Variants in ZMIZ1 observed in about 807,000 individuals in gnomAD.
ZMIZ1 encodes zinc finger MIZ-type containing 1, also known as zinc finger MIZ domain-containing protein 1.
A neutral mutation model predicts 113.9 loss-of-function variants in ZMIZ1; 17 were observed. The observed-to-expected ratio is 0.15, with a 90% CI of 0.10 to 0.22. The LOEUF (loss-of-function observed/expected upper bound fraction) is 0.22, where lower values mean the gene tolerates loss of function less well. Among genes scored for constraint, ZMIZ1 ranks in the 10% least tolerant of loss-of-function variants. The pLI is 1.00. For synonymous variants in ZMIZ1, 607 were observed against 603.1 expected (o/e 1.01, Z -0.09); for missense variants, 1,059 against 1,477.8 (o/e 0.72, Z 4.65).
intron 7 of ZMIZ1, among the ~76,000 whole-genome samples, chr10:79,236,543 A>C (rs915501542): frequency 1.3e-5 from 2 of 152,116 alleles, no homozygotes; most frequent in African/African-American, 4.8e-5. Context: ...TCCAGAAATC[A>C]ATGGGAAGAG....
intron 7 of ZMIZ1, among the ~76,000 whole-genome samples, chr10:79,239,165 C>G (rs1281274641): frequency 6.6e-6 from 1 of 152,186 alleles, no homozygotes; most frequent in Non-Finnish European, 1.5e-5. Context: ...CAGAGGTTGG[C>G]AGAAGCCCCA....
intron 23 of ZMIZ1, among the ~76,000 whole-genome samples, chr10:79,308,863 T>C (rs546669316): frequency 1.3e-5 from 2 of 152,224 alleles, no homozygotes; most frequent in Admixed American, 1.3e-4. Flanking sequence ...ATGCCGTCTA[T>C]TTCCCCTTGA....
intron 2 of ZMIZ1, among the ~76,000 whole-genome samples, chr10:79,127,651 G>A (rs755373370): frequency 6.6e-6 from 1 of 152,150 alleles, no homozygotes; most frequent in Non-Finnish European, 1.5e-5. Flanking sequence ...AGGGTCACAC[G>A]GCCCAGCCAG....
At chr10:79,210,332 C>G (rs1210265953) in intron 6 of ZMIZ1, among the ~76,000 whole-genome samples, 2 of 152,230 alleles carry the variant, frequency 1.3e-5, no homozygotes, top group Admixed American at 6.5e-5. Context: ...CCTCGGTCCT[C>G]TTGTCCATGC....
chr10:79,115,970 T>C (rs1844004658), intron 1 of ZMIZ1, among the ~76,000 whole-genome samples: 1 of 152,252 alleles, frequency 6.6e-6, no homozygotes, highest in South Asian at 2.1e-4. Context: ...TGCCAGAGGG[T>C]GTAGCATTAT....
chr10:79,090,153 A>T (rs1215520917), intron 1 of ZMIZ1, among the ~76,000 whole-genome samples: 1 of 152,166 alleles, frequency 6.6e-6, no homozygotes, highest in Non-Finnish European at 1.5e-5. Flanking sequence ...GCTTGCTGTC[A>T]TTGAGTTTAG....
chr10:79,178,150 C>T (rs925241786), intron 4 of ZMIZ1, among the ~76,000 whole-genome samples: 22 of 152,170 alleles, frequency 1.4e-4, no homozygotes. Context: ...GGCAGCTTGG[C>T]CGGGACCCTC....
intron 1 of ZMIZ1, among the ~76,000 whole-genome samples, chr10:79,070,435 G>C (rs1172099113): frequency 6.6e-6 from 1 of 152,032 alleles, no homozygotes; most frequent in Admixed American, 6.5e-5. Flanking sequence ...CGCCGGAGAA[G>C]GCCGGGAGCC....
At chr10:79,183,356 G>A (rs992015086) in intron 4 of ZMIZ1, among the ~76,000 whole-genome samples, 56 of 81,072 alleles carry the variant, frequency 6.9e-4, no homozygotes, top group African/African-American at 3.9e-4. Flanking sequence ...GCTCGTGCAC[G>A]CGCACACACA....
chr10:79,089,687 G>A (rs975348189), intron 1 of ZMIZ1, among the ~76,000 whole-genome samples: 7 of 152,102 alleles, frequency 4.6e-5, no homozygotes, highest in African/African-American at 4.8e-5. Context: ...CACCACCTCC[G>A]TGAGCATGAG....
At chr10:79,083,941 G>A (rs1842733949) in intron 1 of ZMIZ1, among the ~76,000 whole-genome samples, 1 of 152,158 alleles carries the variant, frequency 6.6e-6, no homozygotes, top group Non-Finnish European at 1.5e-5. Flanking sequence ...TAGAGGCATA[G>A]TGGGTCTTCC....
Position 79,069,466 on chromosome 10 carries a change from G to T in ZMIZ1, c.-337+196G>T, listed in dbSNP as rs1842173501. On this transcript the variant is annotated intron_variant, in intron 1 of 24. Coordinates refer to ENST00000334512, the MANE Select transcript of ZMIZ1 (RefSeq NM_020338.4). This position sits in a 1 kb window ranked among gnomAD's most constrained non-coding sequence, Gnocchi z 4.6. ...GGCCGGGGGCCGAGGCCCGGCGGCC[G>T]GCGAGCTCCCGGCTGCGCGGAGCCG... Among the ~76,000 whole-genome samples the T allele has an allele frequency of 6.6e-6, 1 of 151,368 alleles. No individual in the cohort carries two copies. Among genetic ancestry groups the T allele is most frequent in the Non-Finnish European group, 1.5e-5 (1 of 67,830 alleles).
chr10:79,117,535 G>A (rs915256336), intron 1 of ZMIZ1, among the ~76,000 whole-genome samples: 1 of 152,212 alleles, frequency 6.6e-6, no homozygotes, highest in African/African-American at 2.4e-5. Flanking sequence ...TATGGTTGGT[G>A]GCCATCTGGG....
intron 1 of ZMIZ1, among the ~76,000 whole-genome samples, chr10:79,117,378 A>G (rs1844085401): frequency 7.0e-6 from 1 of 142,922 alleles, no homozygotes; most frequent in Non-Finnish European, 1.5e-5. Context: ...AATGGATCTC[A>G]TAAGTGTATT....
intron 7 of ZMIZ1, among the ~76,000 whole-genome samples, chr10:79,242,541 C>CCTCCA (rs1849892172): frequency 7.3e-6 from 1 of 137,562 alleles, no homozygotes; most frequent in African/African-American, 3.3e-5. Flanking sequence ...CTAGCCCCGC[C>CCTCCA]CTCCCCTCCC....
intron 7 of ZMIZ1, among the ~76,000 whole-genome samples, chr10:79,241,328 C>T (rs1849820176): frequency 6.6e-6 from 1 of 152,080 alleles, no homozygotes; most frequent in South Asian, 2.1e-4. Flanking sequence ...TTCACTGGAC[C>T]CCTGCCTGCG....
intron 7 of ZMIZ1, among the ~76,000 whole-genome samples, chr10:79,238,039 C>G (rs1258357314): frequency 6.6e-6 from 1 of 152,220 alleles, no homozygotes; most frequent in Non-Finnish European, 1.5e-5. Context: ...GGGGGCAGCC[C>G]CAAGCCCTAC....
At chr10:79,158,161 C>G (rs938066494) in intron 3 of ZMIZ1, among the ~76,000 whole-genome samples, 2 of 152,216 alleles carry the variant, frequency 1.3e-5, no homozygotes, top group Non-Finnish European at 2.9e-5. Context: ...GTGTCTGCAT[C>G]TGCACACCCC....
intron 3 of ZMIZ1, among the ~76,000 whole-genome samples, chr10:79,160,795 G>T (rs1041040496): frequency 2.0e-5 from 3 of 152,250 alleles, no homozygotes; most frequent in Admixed American, 6.5e-5. Context: ...CGTGATGTGG[G>T]CACCACCTCT....
Sources: gnomAD v4.1 joint callset for allele counts (sites outside exome capture counted in the v4.1 genomes callset) on GRCh38, gnomAD v4.1.1 for gene constraint, Gnocchi (gnomAD v3.1) non-coding constraint, MANE v1.5 for transcripts, NCBI Gene and HGNC (gene_info 2026-07-23, HGNC 2026-07-21) for gene names.